The following KLHL36 variants were observed in gnomAD, a reference collection of about 807,000 sequenced individuals.
KLHL36 encodes kelch-like protein 36.
KLHL36 carries 35 observed loss-of-function variants against 53.3 expected under a neutral mutation model. That is an observed-to-expected ratio of 0.66 (90% CI 0.50 to 0.87). The LOEUF (loss-of-function observed/expected upper bound fraction) is 0.87. Among genes scored for constraint, KLHL36 ranks in the 40% least tolerant of loss-of-function variants. The pLI is 0.00. For synonymous variants in KLHL36, 472 were observed against 398.9 expected (o/e 1.18, Z -2.18); for missense variants, 864 against 897.6 (o/e 0.96, Z 0.48).
Position 84,661,745 on chromosome 16 carries a change from T to A in KLHL36, c.1463T>A (p.Met488Lys). ...ACCACGGCGCGCGGCTGGCACAGCATGTGCAGCCTGGGTGACAGCATCTAC... is the reference window on the plus strand; with the variant it reads ...ACCACGGCGCGCGGCTGGCACAGCAAGTGCAGCCTGGGTGACAGCATCTAC... The part of the protein sequence containing the change: ...PMTTARGWHS[M>K]CSLGDSIYSI... Residue 488 changes from methionine to lysine, a missense_variant, in exon 5 of 5, where the codon ATG becomes AAG. Transcript: ENST00000564996. This position sits in a 1 kb window ranked among gnomAD's most constrained non-coding sequence, Gnocchi z 7.9. The A allele has an allele frequency of 6.2e-7, 1 of 1,613,132 alleles. No homozygotes were observed. The highest frequency in any genetic ancestry group is 1.1e-5 in the South Asian group (1 of 91,056).
At chr16:84,658,113 G>A (rs774418331) in intron 3 of KLHL36, 169 bp downstream of exon 3, 2 of 561,334 alleles carry the variant, frequency 3.6e-6, no homozygotes, top group Non-Finnish European at 6.0e-6. Flanking sequence ...TCCTGGACAG[G>A]GAGAGGGAGA....
chr16:84,655,166 C>G (rs1907127752), intron 2 of KLHL36, among the ~76,000 whole-genome samples: 1 of 152,190 alleles, frequency 6.6e-6, no homozygotes, highest in South Asian at 2.1e-4. Context: ...TCGGATCTGT[C>G]TGGCATCCTC....
At chr16:84,654,643 T>C (rs988870591) in intron 2 of KLHL36, among the ~76,000 whole-genome samples, 2 of 151,840 alleles carry the variant, frequency 1.3e-5, no homozygotes, top group African/African-American at 4.8e-5. Context: ...GTTTTTGAGA[T>C]GGCGTTTTGT....
At chr16:84,655,061 A>G (rs370876455) in intron 2 of KLHL36, among the ~76,000 whole-genome samples, 3 of 151,822 alleles carry the variant, frequency 2.0e-5, no homozygotes, top group African/African-American at 7.3e-5. Flanking sequence ...CAGGATAAAT[A>G]GAGATCTCCA....
chr16:84,649,641 C>T (rs541566141), intron 1 of KLHL36, among the ~76,000 whole-genome samples: 2 of 152,198 alleles, frequency 1.3e-5, no homozygotes, highest in Non-Finnish European at 2.9e-5. Context: ...TCTAGTTTGT[C>T]GAGAGGAATC....
rs1473896076 is a variant in KLHL36, at chr16:84,657,929, TA to T, written c.1125del (p.Lys375AsnfsTer9). 6.6e-7 allele frequency: 1 copy of T among 1,518,992 alleles called. No homozygotes were observed. The highest frequency in any genetic ancestry group is 2.2e-5 in the Admixed American group (1 of 45,136). 94.1% of individuals were successfully genotyped at this position (1,518,992 alleles called of 1,614,324 possible). ...TTCTTTATAGGTATGACCCCCGCTGTAAACAGTGGATCAAGGTGAGATTAAA... is the reference window on the plus strand; with the variant it reads ...TTCTTTATAGGTATGACCCCCGCTGTAACAGTGGATCAAGGTGAGATTAAA... ...NLLYRYDPRCKQWIKVASMNQ... is the reference protein window; with the variant it reads ...NLLYRYDPRCXQWIKVASMNQ... On this transcript the variant is annotated frameshift_variant, in exon 3 of 5. Coordinates refer to ENST00000564996, the MANE Select transcript of KLHL36 (RefSeq NM_024731.4). LOFTEE classifies it high-confidence loss of function.
chr16:84,657,371 C>T lies in KLHL36; in HGVS notation c.564C>T (p.Val188=), dbSNP rs1211008148. The T allele has an allele frequency of 3.7e-6, 6 of 1,610,902 alleles. No homozygotes were observed. Among genetic ancestry groups the T allele is most frequent in the Non-Finnish European group, 5.1e-6 (6 of 1,180,026 alleles). ...LSFTPDFLQN[V]SMQKLCVYLS... The stretch of plus-strand genomic sequence containing the variant: ...TTACGCCCGACTTCCTGCAGAACGT[C>T]TCCATGCAGAAGCTGTGTGTCTACC... Residue 188 remains valine, a synonymous_variant, in exon 3 of 5, where the codon GTC becomes GTT. Coordinates refer to ENST00000564996, the MANE Select transcript of KLHL36 (RefSeq NM_024731.4).
At chr16:84,655,441 G>A (rs1411790753) in intron 2 of KLHL36, among the ~76,000 whole-genome samples, 1 of 152,216 alleles carries the variant, frequency 6.6e-6, no homozygotes, top group Non-Finnish European at 1.5e-5. Flanking sequence ...GACAGGCGTG[G>A]TAGCGTGTGC....
chr16:84,658,171 C>T (rs1378029770), intron 3 of KLHL36: 3 of 406,022 alleles, frequency 7.4e-6, no homozygotes, highest in African/African-American at 6.2e-5. Flanking sequence ...AGCAGCACTG[C>T]CTGGCGGGGC....
At chr16:84,659,512 C>CCGT in intron 3 of KLHL36, 1 of 471,096 alleles carries the variant, frequency 2.1e-6, no homozygotes, top group Non-Finnish European at 3.8e-6. Flanking sequence ...GGGTTCAGAG[C>CCGT]ATCTCCATCC....
chr16:84,651,339 C>G (rs1004066082), intron 2 of KLHL36, among the ~76,000 whole-genome samples: 2 of 152,136 alleles, frequency 1.3e-5, no homozygotes, highest in African/African-American at 4.8e-5. Flanking sequence ...ACCGTGTACC[C>G]GGACCCCAAG....
chr16:84,659,163 G>A lies in KLHL36; in HGVS notation c.1138-597G>A, dbSNP rs12597632. 592 of 152,166 alleles carry A rather than the reference G, an allele frequency of 3.9e-3. 14 individuals are homozygous for A. In the East Asian group the frequency reaches 0.078, roughly 20 times the overall value. 9.4% of individuals were successfully genotyped at this position (152,166 alleles called of 1,614,324 possible). The stretch of plus-strand genomic sequence containing the variant: ...ATTACAGGCGCCTGCCACCACGCCC[G>A]GCTAATTTTTGTATTTTCAGTAGAG... On this transcript the variant is annotated intron_variant, in intron 3 of 4. Transcript: ENST00000564996.
rs771774344 is a variant in KLHL36 at position 84,657,602 on chromosome 16, C to T, written c.795C>T (p.Gly265=). The T allele has an allele frequency of 1.2e-6, 2 of 1,611,212 alleles. No homozygotes were observed. The highest frequency in any genetic ancestry group is 1.6e-4 in the Middle Eastern group (1 of 6,084). Residue 265 remains glycine, a synonymous_variant, in exon 3 of 5, where the codon GGC becomes GGT. Transcript: ENST00000564996. The part of the protein sequence containing the change: ...SLLPKEANCE[G]FIEEAVRYHN... ...TGCCCAAGGAGGCCAACTGCGAGGG[C>T]TTCATCGAGGAGGCCGTGCGCTACC...
intron 4 of KLHL36, among the ~76,000 whole-genome samples, chr16:84,660,452 C>T (rs991264941): frequency 3.3e-5 from 5 of 152,138 alleles, no homozygotes; most frequent in Admixed American, 2.0e-4. Flanking sequence ...CCCTGCGTTC[C>T]GATGTGCATG....
rs1301196876 is a variant in KLHL36, at chr16:84,664,014, T to G, written c.*1881T>G. ...ACAAACAGACCAAAAGGCTGGAAAC[T>G]CTGCTTGGAGCTCTGCAGCATTCCG... On this transcript the variant is annotated 3_prime_UTR_variant, in exon 5 of 5. Coordinates refer to ENST00000564996, the MANE Select transcript of KLHL36 (RefSeq NM_024731.4). 1.3e-5 allele frequency: 2 copies of G among 152,188 alleles called. No homozygotes were observed. Among genetic ancestry groups the G allele is most frequent in the African/African-American group, 4.8e-5 (2 of 41,450 alleles). 9.4% of individuals were successfully genotyped at this position (152,188 alleles called of 1,614,324 possible). A position where few individuals can be genotyped will look rare whatever the true frequency, so the allele number is the denominator to read the frequency against.
At chr16:84,656,590 C>T (rs1458220803) in intron 2 of KLHL36, among the ~76,000 whole-genome samples, 1 of 148,634 alleles carries the variant, frequency 6.7e-6, no homozygotes, top group Non-Finnish European at 1.5e-5. Flanking sequence ...TGAGGTTGTG[C>T]CACTGCACTC....
rs116738823 is a variant in KLHL36, at chr16:84,663,046, T to A, written c.*913T>A. 1.1e-3 allele frequency: 164 copies of A among 152,180 alleles called. No individual in the cohort carries two copies. Among genetic ancestry groups the A allele is most frequent in the African/African-American group, 3.8e-3 (158 of 41,498 alleles). The allele number at this position is 152,180 out of a possible 1,614,324, so 9.4% of individuals were successfully genotyped here. A position where few individuals can be genotyped will look rare whatever the true frequency, so the allele number is the denominator to read the frequency against. The stretch of plus-strand genomic sequence containing the variant: ...TTCTCAGGAAAGAAAAAGTGAGTGC[T>A]ATGGAATTTGCCATCGTTCTCTGTG... On this transcript the variant is annotated 3_prime_UTR_variant, in exon 5 of 5. Transcript: ENST00000564996.
chr16:84,657,721 C>G lies in KLHL36; in HGVS notation c.914C>G (p.Ser305Cys). 1 of 1,612,500 alleles carries G rather than the reference C, an allele frequency of 6.2e-7. No homozygotes were observed. The highest frequency in any genetic ancestry group is 1.7e-5 in the Admixed American group (1 of 59,946). ...ERLLFVGGEV[S>C]ERCLELSDDT... ...CTGCTGTTTGTGGGCGGCGAGGTCTCCGAGCGGTGTCTGGAGCTCAGTGAC... is the reference window on the plus strand; with the variant it reads ...CTGCTGTTTGTGGGCGGCGAGGTCTGCGAGCGGTGTCTGGAGCTCAGTGAC... Residue 305 changes from serine (S) to cysteine (C), a missense_variant, in exon 3 of 5, where the codon TCC (serine) becomes TGC (cysteine). Ser to Cys is a moderately radical substitution (Grantham distance 112). Coordinates refer to ENST00000564996, the MANE Select transcript of KLHL36 (RefSeq NM_024731.4).
rs763847175 is a variant in KLHL36 at position 84,657,038 on chromosome 16, C to T, written c.231C>T (p.Ile77=). ...CSDYFNSMFT[I]GMREAFQKEV... ...ACTACTTCAACTCCATGTTCACCATCGGCATGCGGGAAGCTTTCCAGAAGG... is the reference window on the plus strand; with the variant it reads ...ACTACTTCAACTCCATGTTCACCATTGGCATGCGGGAAGCTTTCCAGAAGG... The change falls in exon 3 of 5, where the codon ATC becomes ATT. Residue 77 remains isoleucine, a synonymous_variant. Coordinates refer to ENST00000564996, the MANE Select transcript of KLHL36 (RefSeq NM_024731.4). The T allele has an allele frequency of 5.0e-6, 8 of 1,614,210 alleles. No individual in the cohort carries two copies. Among genetic ancestry groups the T allele is most frequent in the East Asian group, 2.2e-5 (1 of 44,882 alleles).
Sources: allele counts gnomAD v4.1 joint callset (sites outside exome capture counted in the v4.1 genomes callset), GRCh38; gene constraint gnomAD v4.1.1; non-coding constraint Gnocchi (gnomAD v3.1); transcripts MANE v1.5; gene names NCBI Gene and HGNC (gene_info 2026-07-23, HGNC 2026-07-21).